PIK3CB: variants seen among roughly 807,000 people sequenced by gnomAD.
PIK3CB encodes the protein phosphatidylinositol 4,5-bisphosphate 3-kinase catalytic subunit beta isoform.
A neutral mutation model predicts 136.8 loss-of-function variants in PIK3CB; 39 were observed. That is an observed-to-expected ratio of 0.29 (90% CI 0.22 to 0.37). The LOEUF (loss-of-function observed/expected upper bound fraction) is 0.37, where lower values mean the gene tolerates loss of function less well. Among genes scored for constraint, PIK3CB ranks in the 10% least tolerant of loss-of-function variants. The pLI is 1.00. For synonymous variants in PIK3CB, 428 were observed against 436.6 expected, an observed-to-expected ratio of 0.98 and a Z score of 0.25; for missense variants, 868 against 1,275.4, an observed-to-expected ratio of 0.68 and a Z score of 4.87.
intron 4 of PIK3CB, among the ~76,000 whole-genome samples, chr3:138,744,389 C>CA (rs1178746437): frequency 0.046 from 1,118 of 24,326 alleles, 520 homozygotes; most frequent in East Asian, 0.12. Flanking sequence ...AGCGAGACTC[C>CA]CCCAAAAAAA....
chr3:138,825,763 C>T (rs1933759545), intron 1 of PIK3CB: 5 of 751,978 alleles, frequency 6.6e-6, no homozygotes, highest in African/African-American at 3.5e-5. Context: ...TGTTCTCAAA[C>T]CCGGAATGGT....
In PIK3CB at chr3:138,693,941, ATATATATATATATATATATATATAT is replaced by A. The variant is rs1245689724; in HGVS notation, c.1892+820_1892+844del. On this transcript the variant is annotated intron_variant, in intron 14 of 23. Transcript: ENST00000674063. The stretch of plus-strand genomic sequence containing the variant: ...ACTGTAATGTATTTGCTTAAAATAT[ATATATATATATATATATATATATAT>A]TATATATATATATATATATATATAT... Among the ~76,000 whole-genome samples the A allele has an allele frequency of 0.032, 953 of 29,958 alleles. 41 individuals are homozygous for A. The East Asian group carries it at 0.33, about 10-fold the overall frequency. 19.7% of individuals were successfully genotyped at this position (29,958 alleles called of 152,430 possible). A position where few individuals can be genotyped will look rare whatever the true frequency, so the allele number is the denominator to read the frequency against.
chr3:138,829,869 G>A (rs1157748591), intron 1 of PIK3CB, among the ~76,000 whole-genome samples: 2 of 152,124 alleles, frequency 1.3e-5, no homozygotes, highest in African/African-American at 4.8e-5. Flanking sequence ...ATTGAAAGAC[G>A]CCTAAAAACA....
chr3:138,802,375 CA>C (rs57784675), intron 1 of PIK3CB, among the ~76,000 whole-genome samples: 5,033 of 118,050 alleles, frequency 0.043, 290 homozygotes, highest in African/African-American at 0.15. Context: ...GACTCCATCT[CA>C]AAAAAAAAAG....
In PIK3CB at chr3:138,766,563, T is replaced by A. The variant is rs545863759; in HGVS notation, c.-16-7204A>T. On this transcript the variant is annotated intron_variant, in intron 2 of 23. Transcript: ENST00000674063. The stretch of plus-strand genomic sequence containing the variant: ...TGCTTAAAAATAGAAAAATCCTTCC[T>A]CACTTACAAAGAAAAATTTTATCCT... Among the ~76,000 whole-genome samples the A allele has an allele frequency of 8.5e-5, 13 of 152,284 alleles. No homozygotes were observed. In the South Asian group the frequency reaches 2.5e-3, roughly 29 times the overall value.
chr3:138,806,369 C>T (rs896843246), intron 1 of PIK3CB, among the ~76,000 whole-genome samples: 1 of 151,926 alleles, frequency 6.6e-6, no homozygotes, highest in African/African-American at 2.4e-5. Flanking sequence ...GCTTGTAGTC[C>T]CAGCTACTCT....
At chr3:138,830,271 C>T (rs1701693794) in intron 1 of PIK3CB, among the ~76,000 whole-genome samples, 1 of 152,150 alleles carries the variant, frequency 6.6e-6, no homozygotes, top group African/African-American at 2.4e-5. Flanking sequence ...AAAAGGGGCC[C>T]AGGCGCGGTG....
intron 12 of PIK3CB, among the ~76,000 whole-genome samples, chr3:138,703,581 TATGTAGATATAGATATAGATATATAA>T (rs1300913419): frequency 2.1e-5 from 3 of 142,898 alleles, no homozygotes; most frequent in African/African-American, 6.1e-5. Context: ...TAGATATAGA[TATGTAGATATAGATATAGATATATAA>T]ATGTAGATAT....
intron 14 of PIK3CB, among the ~76,000 whole-genome samples, chr3:138,693,108 T>C (rs2044043549): frequency 6.6e-6 from 1 of 152,174 alleles, no homozygotes. Context: ...TGTATTTTAT[T>C]TTTTGAGACA....
At chr3:138,802,233 AT>A (rs1171820290) in intron 1 of PIK3CB, among the ~76,000 whole-genome samples, 1 of 129,882 alleles carries the variant, frequency 7.7e-6, no homozygotes, top group Admixed American at 7.9e-5. Flanking sequence ...AAAAAAAAAA[AT>A]CCAGGCATGG....
At chr3:138,813,506 C>T (rs1933169657) in intron 1 of PIK3CB, among the ~76,000 whole-genome samples, 1 of 150,874 alleles carries the variant, frequency 6.6e-6, no homozygotes, top group Admixed American at 6.6e-5. Flanking sequence ...ATCTCTCCGC[C>T]TCCTGGGTTC....
intron 7 of PIK3CB, 136 bp downstream of exon 7, chr3:138,734,498 G>A (rs2045059184): frequency 2.0e-6 from 1 of 497,506 alleles, no homozygotes; most frequent in Non-Finnish European, 3.5e-6. Context: ...TTAAATAAAT[G>A]GTGATCGATT....
intron 4 of PIK3CB, among the ~76,000 whole-genome samples, chr3:138,748,156 TACACACAC>T (rs3071146): frequency 0.033 from 4,662 of 142,938 alleles, 221 homozygotes; most frequent in African/African-American, 0.11. Flanking sequence ...TTAGAAATCA[TACACACAC>T]ACACACACAC....
chr3:138,730,557 C>A (rs1468979819), intron 8 of PIK3CB, among the ~76,000 whole-genome samples: 1 of 152,086 alleles, frequency 6.6e-6, no homozygotes, highest in African/African-American at 2.4e-5. Context: ...AATTACTAAA[C>A]AAAACCATAT....
At chr3:138,736,982 C>A (rs549934684) in intron 6 of PIK3CB, among the ~76,000 whole-genome samples, 4 of 152,158 alleles carry the variant, frequency 2.6e-5, no homozygotes, top group African/African-American at 9.6e-5. Context: ...TACTTTACCT[C>A]CCCCAGAATA....
chr3:138,727,274 G>A (rs1045049606), intron 8 of PIK3CB, among the ~76,000 whole-genome samples: 1 of 152,176 alleles, frequency 6.6e-6, no homozygotes, highest in Admixed American at 6.5e-5. Flanking sequence ...TGGATTAGAC[G>A]CCTGTGATTA....
intron 9 of PIK3CB, among the ~76,000 whole-genome samples, chr3:138,714,252 A>C (rs2044563070): frequency 6.6e-6 from 1 of 152,210 alleles, no homozygotes; most frequent in Non-Finnish European, 1.5e-5. Flanking sequence ...TGGTAGAAGG[A>C]GCAAGATTAC....
intron 3 of PIK3CB, among the ~76,000 whole-genome samples, chr3:138,758,198 C>G (rs1398019515): frequency 6.6e-6 from 1 of 152,038 alleles, no homozygotes; most frequent in African/African-American, 2.4e-5. Flanking sequence ...TATAAAGTAC[C>G]AAGAATAGGC....
chr3:138,833,223 C>A (rs1285265457), intron 1 of PIK3CB, among the ~76,000 whole-genome samples: 2 of 151,726 alleles, frequency 1.3e-5, no homozygotes, highest in African/African-American at 4.8e-5. Flanking sequence ...CCCGCCACCA[C>A]GCCCTGCTAA....
Sources: gnomAD v4.1 joint callset for allele counts (sites outside exome capture counted in the v4.1 genomes callset) on GRCh38, gnomAD v4.1.1 for gene constraint, MANE v1.5 for transcripts, NCBI Gene and HGNC (gene_info 2026-07-23, HGNC 2026-07-21) for gene names.